The following BLTP1 variants were observed in gnomAD, a reference collection of about 807,000 sequenced individuals.
BLTP1 encodes fragile site-associated protein.
the BLTP1 span, chr4:122,347,049 G>A: frequency 1.2e-6 from 1 of 818,768 alleles, no homozygotes. Flanking sequence ...TTATAAGTTA[G>A]TTAATTTGTT....
the BLTP1 span, chr4:122,289,884 G>A: frequency 8.6e-6 from 6 of 694,572 alleles, no homozygotes; most frequent in Non-Finnish European, 1.1e-5. Flanking sequence ...CGAATGACAA[G>A]AACAGGGTGC....
At chr4:122,338,164 T>C in the BLTP1 span, among the ~76,000 whole-genome samples, 1 of 151,842 alleles carries the variant, frequency 6.6e-6, no homozygotes, top group Non-Finnish European at 1.5e-5. Flanking sequence ...TATAAAACCT[T>C]TGGGCTGGGT....
At chr4:122,353,228 GA>G in the BLTP1 span, 1 of 1,556,522 alleles carries the variant, frequency 6.4e-7, no homozygotes, top group Non-Finnish European at 8.6e-7. This position sits in a 1 kb window ranked among gnomAD's most constrained non-coding sequence, Gnocchi z 4.3. Flanking sequence ...TTGTATTTCT[GA>G]AGTCCATCTC....
the BLTP1 span, chr4:122,220,565 T>A: frequency 9.6e-7 from 1 of 1,044,820 alleles, no homozygotes; most frequent in Non-Finnish European, 1.4e-6. Flanking sequence ...ATGGACTTTG[T>A]AGCTCTTTAA....
chr4:122,230,193 A>G, the BLTP1 span: 2 of 1,613,712 alleles, frequency 1.2e-6, no homozygotes, highest in South Asian at 2.2e-5. Context: ...TTAGAAACTC[A>G]TGATGCCAGA....
At chr4:122,235,110 C>A in the BLTP1 span, 1 of 1,184,784 alleles carries the variant, frequency 8.4e-7, no homozygotes, top group East Asian at 2.4e-5. Context: ...TAACTCTGTT[C>A]AACTCAATTT....
At chr4:122,333,600 A>G in the BLTP1 span, 1 of 1,550,090 alleles carries the variant, frequency 6.5e-7, no homozygotes, top group East Asian at 2.3e-5. Flanking sequence ...TCATTTTTTA[A>G]AAAGATAAGA....
chr4:122,200,848 C>G, the BLTP1 span: 1 of 808,210 alleles, frequency 1.2e-6, no homozygotes, highest in Non-Finnish European at 1.5e-6. Flanking sequence ...GGATATTGAC[C>G]TTCAGCCACA....
the BLTP1 span, chr4:122,207,390 GA>G: frequency 8.6e-6 from 12 of 1,395,142 alleles, no homozygotes; most frequent in Non-Finnish European, 1.0e-5. Flanking sequence ...TTATCTTTGT[GA>G]GACTCTCAGA....
At chr4:122,291,952 T>G in the BLTP1 span, 2 of 213,702 alleles carry the variant, frequency 9.4e-6, no homozygotes, top group Non-Finnish European at 1.6e-5. Context: ...TAAGGTGTGC[T>G]CATGCATCAA....
chr4:122,257,127 C>A, the BLTP1 span: 1 of 963,240 alleles, frequency 1.0e-6, no homozygotes, highest in Non-Finnish European at 1.5e-6. Flanking sequence ...AATTACTTAA[C>A]ATCTAAGTTT....
the BLTP1 span, chr4:122,226,959 A>G: frequency 1.4e-6 from 1 of 706,072 alleles, no homozygotes; most frequent in Non-Finnish European, 2.0e-6. Context: ...TTTTCAGTTA[A>G]TAAAATTATT....
the BLTP1 span, chr4:122,247,160 G>T: frequency 1.9e-6 from 3 of 1,602,222 alleles, no homozygotes; most frequent in Non-Finnish European, 2.6e-6. Flanking sequence ...TCATAAAGAG[G>T]TGTGGTTGAA....
the BLTP1 span, among the ~76,000 whole-genome samples, chr4:122,252,590 G>A: frequency 2.6e-5 from 4 of 152,318 alleles, no homozygotes; most frequent in East Asian, 5.8e-4. Context: ...AGGGAAGAGT[G>A]GGAAGGTCTG....
At chr4:122,289,430 T>G in the BLTP1 span, 1 of 904,786 alleles carries the variant, frequency 1.1e-6, no homozygotes, top group Non-Finnish European at 1.3e-6. Context: ...TCCTTTATGT[T>G]TCACCCTGAA....
At chr4:122,265,173 C>G in the BLTP1 span, among the ~76,000 whole-genome samples, 2 of 152,136 alleles carry the variant, frequency 1.3e-5, no homozygotes, top group African/African-American at 4.8e-5. Flanking sequence ...CCTACCCACC[C>G]TCTGATCCGC....
chr4:122,194,528 T>A, the BLTP1 span: 2 of 888,868 alleles, frequency 2.3e-6, no homozygotes, highest in Non-Finnish European at 2.7e-6. Context: ...TACATTTCAT[T>A]AAGTAATAGA....
the BLTP1 span, chr4:122,261,877 G>A: frequency 1.0e-6 from 1 of 985,382 alleles, no homozygotes; most frequent in East Asian, 1.1e-4. Context: ...TCATCTAAGT[G>A]AGGATGACTG....
At chr4:122,346,813 A>T in the BLTP1 span, 1 of 1,585,998 alleles carries the variant, frequency 6.3e-7, no homozygotes, top group African/African-American at 1.3e-5. Context: ...AAGACCTACA[A>T]TTGATAACAC....
Sources: allele counts gnomAD v4.1 joint callset (sites outside exome capture counted in the v4.1 genomes callset), GRCh38; gene constraint gnomAD v4.1.1; non-coding constraint Gnocchi (gnomAD v3.1); transcripts MANE v1.5; gene names NCBI Gene and HGNC (gene_info 2026-07-23, HGNC 2026-07-21).